Variants in TBCE observed in about 807,000 individuals in gnomAD.
TBCE encodes the protein tubulin folding cofactor E, also known as tubulin-specific chaperone E.
In TBCE, 53 loss-of-function variants were observed where a neutral mutation model predicts 77.0. The observed-to-expected ratio is 0.69, with a 90% CI of 0.55 to 0.87. The LOEUF (loss-of-function observed/expected upper bound fraction) is 0.87, where lower values mean the gene tolerates loss of function less well. Ranked by LOEUF, TBCE falls within the 40% of genes least tolerant of loss-of-function variation. The probability of loss-of-function intolerance (pLI) is 0.00; values close to 1 mark genes in which losing one functional copy is unlikely to be tolerated. For missense variants in TBCE, 624 were observed against 622.4 expected (o/e 1.00, Z -0.03); for synonymous variants, 235 against 241.3 (o/e 0.97, Z 0.24).
chr1:235,406,287 T>A (rs1679423676), intron 3 of TBCE, among the ~76,000 whole-genome samples: 1 of 152,182 alleles, frequency 6.6e-6, no homozygotes. Flanking sequence ...ATGTTTTAGT[T>A]TCTCTGATCT....
At chr1:235,425,753 C>T (rs988092427) in intron 5 of TBCE, among the ~76,000 whole-genome samples, 27 of 152,082 alleles carry the variant, frequency 1.8e-4, no homozygotes, top group African/African-American at 6.5e-4. Flanking sequence ...CGGTCATAGG[C>T]TGAGCTCGTT....
In TBCE at chr1:235,448,995, AT is replaced by A; in HGVS notation, c.*238del. The A allele has an allele frequency of 2.2e-6, 1 of 450,094 alleles. No individual in the cohort carries two copies. The highest frequency in any genetic ancestry group is 4.1e-6 in the Non-Finnish European group (1 of 244,138). The allele number at this position is 450,094 out of a possible 1,614,324, so 27.9% of individuals were successfully genotyped here. Reference sequence around the variant, plus strand: ...GATTTTCTGATCTTATTTCATATTTATTTTTACAGCTCATCACTGCATTTCA... The same window carrying A: ...GATTTTCTGATCTTATTTCATATTTATTTTACAGCTCATCACTGCATTTCA... On this transcript the variant is annotated 3_prime_UTR_variant, in exon 17 of 17. Coordinates refer to ENST00000642610, the MANE Select transcript of TBCE (RefSeq NM_003193.5).
chr1:235,441,858 C>T lies in TBCE; in HGVS notation c.1315C>T (p.Leu439Phe), dbSNP rs2102937934. ...TTGGGAACTCAAAACACAGCAACCA[C>T]TTATGCTGAAAAACCAGCTACTAAG... ...EDWELKTQQP[L>F]MLKNQLLTLK... The change falls in exon 14 of 17, where the codon CTT (leucine) becomes TTT (phenylalanine). Residue 439 changes from leucine (L) to phenylalanine (F), a missense_variant. Leu to Phe is a conservative substitution (Grantham distance 22, BLOSUM62 0). Transcript: ENST00000642610. 6.2e-7 allele frequency: 1 copy of T among 1,614,088 alleles called. No homozygotes were observed. The highest frequency in any genetic ancestry group is 8.5e-7 in the Non-Finnish European group (1 of 1,180,010).
chr1:235,406,302 T>G (rs2102866400), intron 3 of TBCE, among the ~76,000 whole-genome samples: 1 of 152,318 alleles, frequency 6.6e-6, no homozygotes, highest in East Asian at 1.9e-4. Context: ...TGATCTCTTT[T>G]GTAACCTAAG....
chr1:235,383,909 A>G (rs1389034252), intron 2 of TBCE, among the ~76,000 whole-genome samples: 2 of 152,142 alleles, frequency 1.3e-5, no homozygotes, highest in Non-Finnish European at 2.9e-5. Flanking sequence ...TTCAAAGGGA[A>G]TGCTTCCAGT....
chr1:235,446,758 C>T (rs1043361344), intron 15 of TBCE, among the ~76,000 whole-genome samples: 2 of 148,722 alleles, frequency 1.3e-5, no homozygotes, highest in South Asian at 2.1e-4. Flanking sequence ...AGTACAGTGG[C>T]GCGATCATGG....
Position 235,451,453 on chromosome 1 carries a change from C to A in TBCE, c.*2691C>A, listed in dbSNP as rs1572476855. The A allele has an allele frequency of 8.6e-6, 1 of 115,920 alleles. No individual in the cohort carries two copies. 7.2% of individuals were successfully genotyped at this position (115,920 alleles called of 1,614,324 possible). A position where few individuals can be genotyped will look rare whatever the true frequency, so the allele number is the denominator to read the frequency against. ...CATTTTAAATAGAGGACTCAGTTTC[C>A]AAAGACATGAGATGGTCACAAAAAA... On this transcript the variant is annotated 3_prime_UTR_variant, in exon 17 of 17. Transcript: ENST00000642610.
At chr1:235,448,079 G>A (rs530638476) in intron 15 of TBCE, among the ~76,000 whole-genome samples, 2 of 152,050 alleles carry the variant, frequency 1.3e-5, no homozygotes, top group South Asian at 4.2e-4. Flanking sequence ...TGTGGTGATG[G>A]GCACCAGCTA....
chr1:235,442,757 A>C, intron 14 of TBCE, 95 bp from the exon 15 acceptor site: 77 of 1,063,594 alleles, frequency 7.2e-5, no homozygotes, highest in Non-Finnish European at 9.8e-5. Context: ...TGCACTGAAT[A>C]CCTCTATCAT....
At chr1:235,414,091 G>A (rs1206754585) in intron 3 of TBCE, 6 of 321,308 alleles carry the variant, frequency 1.9e-5, no homozygotes, top group Non-Finnish European at 3.6e-5. Flanking sequence ...CCTGACCTCA[G>A]GTGGTCCTCC....
Position 235,451,532 on chromosome 1 carries a change from G to T in TBCE, c.*2770G>T, listed in dbSNP as rs1391802688. 1 of 143,444 alleles carries T rather than the reference G, an allele frequency of 7.0e-6. No individual in the cohort carries two copies. The highest frequency in any genetic ancestry group is 2.6e-5 in the African/African-American group (1 of 39,090). The allele number at this position is 143,444 out of a possible 1,614,324, so 8.9% of individuals were successfully genotyped here. ...ACAAGCGCCATGAACAACAGTTGTA[G>T]AAACAACAAACTGCAAAATCAGACC... On this transcript the variant is annotated 3_prime_UTR_variant, in exon 17 of 17. Coordinates refer to ENST00000642610, the MANE Select transcript of TBCE (RefSeq NM_003193.5).
At chr1:235,430,844 A>G in intron 7 of TBCE, 40 bp downstream of exon 7, 1 of 1,535,810 alleles carries the variant, frequency 6.5e-7, no homozygotes, top group Non-Finnish European at 9.0e-7. Context: ...TTAATAAGCA[A>G]TTAAAAATGT....
chr1:235,400,970 C>G (rs986154109), intron 2 of TBCE, among the ~76,000 whole-genome samples: 1 of 150,514 alleles, frequency 6.6e-6, no homozygotes, highest in Admixed American at 6.6e-5. Flanking sequence ...TTGCAAAGTG[C>G]TGGGACTACA....
intron 13 of TBCE, chr1:235,440,781 C>T (rs553349181): frequency 1.3e-5 from 2 of 151,584 alleles, no homozygotes; most frequent in African/African-American, 4.9e-5. Context: ...GCTCTCGTCC[C>T]GAGGGCTCGC....
chr1:235,409,027 T>C (rs1679623935), intron 3 of TBCE, among the ~76,000 whole-genome samples: 1 of 130,766 alleles, frequency 7.6e-6, no homozygotes, highest in African/African-American at 3.1e-5. Context: ...TTTTTTTTTT[T>C]AGTATAAGTA....
chr1:235,421,938 T>C (rs2102896467), intron 5 of TBCE, among the ~76,000 whole-genome samples: 1 of 152,236 alleles, frequency 6.6e-6, no homozygotes, highest in East Asian at 1.9e-4. Flanking sequence ...TCTCCATCTG[T>C]GTGTCTGAGG....
rs527258743 is a variant in TBCE at position 235,373,586 on chromosome 1, G to A, written c.-32+6082G>A. Among the ~76,000 whole-genome samples, 91 of 151,800 alleles carry A rather than the reference G, an allele frequency of 6.0e-4. 2 individuals are homozygous for A. The South Asian group carries it at 0.019, about 31-fold the overall frequency. The stretch of plus-strand genomic sequence containing the variant: ...AGTCTCCCAAGTAGGTGGGATTACA[G>A]GCACTCACCACCATGCCCGGCTAAT... On this transcript the variant is annotated intron_variant, in intron 1 of 16. Transcript: ENST00000642610.
intron 9 of TBCE, 188 bp downstream of exon 9, chr1:235,436,028 T>C (rs1035068211): frequency 9.5e-6 from 6 of 628,470 alleles, no homozygotes; most frequent in South Asian, 1.9e-5. Context: ...CCCTGTATAA[T>C]GTGGACTATG....
chr1:235,440,534 A>T (rs1054549859), intron 13 of TBCE, among the ~76,000 whole-genome samples: 27 of 152,132 alleles, frequency 1.8e-4, no homozygotes, highest in Admixed American at 6.5e-5. Flanking sequence ...CTGGGATTAC[A>T]GGCGTCTGCC....
Sources: allele counts gnomAD v4.1 joint callset (sites outside exome capture counted in the v4.1 genomes callset), GRCh38; gene constraint gnomAD v4.1.1; transcripts MANE v1.5; gene names NCBI Gene and HGNC (gene_info 2026-07-23, HGNC 2026-07-21).